GMPPA: variants seen among roughly 807,000 people sequenced by gnomAD.
The protein encoded by GMPPA is mannose-1-phosphate guanylyltransferase regulatory subunit alpha.
GMPPA carries 46 observed loss-of-function variants against 58.6 expected under a neutral mutation model. That is an observed-to-expected ratio of 0.78 (90% CI 0.62 to 1.00). The LOEUF is 1.00. Among genes scored for constraint, GMPPA ranks in the 50% least tolerant of loss-of-function variants. The probability of loss-of-function intolerance (pLI) is 0.00; values close to 1 mark genes in which losing one functional copy is unlikely to be tolerated. For missense variants in GMPPA, 468 were observed against 556.4 expected (o/e 0.84, Z 1.60); for synonymous variants, 211 against 214.9 (o/e 0.98, Z 0.16).
In GMPPA at chr2:219,502,576, C is replaced by A; in HGVS notation, c.489+135C>A. 1 of 680,344 alleles carries A rather than the reference C, an allele frequency of 1.5e-6. No homozygotes were observed. The allele number at this position is 680,344 out of a possible 1,614,324, so 42.1% of individuals were successfully genotyped here. A position where few individuals can be genotyped will look rare whatever the true frequency, so the allele number is the denominator to read the frequency against. On this transcript the variant is annotated intron_variant, in intron 6 of 12. Transcript: ENST00000313597. The surrounding 1 kb of genome is among the most constrained non-coding windows in gnomAD (Gnocchi z 4.0). ...GACAGGTGAGACACTCCCGATTAAT[C>A]ATCTTATATCCCTTTAAGAGAGATT...
chr2:219,506,055 C>T lies in GMPPA; in HGVS notation c.976C>T (p.His326Tyr). 6.3e-7 allele frequency: 1 copy of T among 1,587,864 alleles called. No individual in the cohort carries two copies. The highest frequency in any genetic ancestry group is 8.6e-7 in the Non-Finnish European group (1 of 1,162,506). Residue 326 changes from histidine (H) to tyrosine (Y), a missense_variant, in exon 11 of 13, where the codon CAT becomes TAT. Physicochemically the swap from His to Tyr is moderately conservative, Grantham distance 83. Coordinates refer to ENST00000313597, the MANE Select transcript of GMPPA (RefSeq NM_013335.4). The stretch of plus-strand genomic sequence containing the variant: ...GCGGCTCCGGGAGAGCATCGTCCTC[C>T]ATGGAGCCACTTTGCAGGTAGGTAC... ...GVRLRESIVL[H>Y]GATLQEHTCV...
chr2:219,500,440 C>T (rs1434303351), intron 3 of GMPPA: 2 of 578,820 alleles, frequency 3.5e-6, no homozygotes, highest in Non-Finnish European at 6.2e-6. Flanking sequence ...GATTTCACTC[C>T]TATTTTTAAA....
chr2:219,503,818 G>A (rs1694480857), intron 6 of GMPPA, among the ~76,000 whole-genome samples: 1 of 152,202 alleles, frequency 6.6e-6, no homozygotes, highest in African/African-American at 2.4e-5. Flanking sequence ...GCAGTCGGGT[G>A]GAAATGCGTC....
rs865817670 is a variant in GMPPA at position 219,504,173 on chromosome 2, C to T, written c.580C>T (p.Leu194Phe). The change falls in exon 7 of 13, where the codon CTT (leucine) becomes TTT (phenylalanine). Residue 194 changes from leucine to phenylalanine, a missense_variant. Leu to Phe is a conservative substitution (Grantham distance 22). Coordinates refer to ENST00000313597, the MANE Select transcript of GMPPA (RefSeq NM_013335.4). ...CTTTTCTCCTGAAGCCTTGAAGCCTCTTCGGGATGTCTTCCAGCGTAATCA... is the reference window on the plus strand; with the variant it reads ...CTTTTCTCCTGAAGCCTTGAAGCCTTTTCGGGATGTCTTCCAGCGTAATCA... ...YLFSPEALKPLRDVFQRNQQD... is the reference protein window; with the variant it reads ...YLFSPEALKPFRDVFQRNQQD... 3 of 1,614,122 alleles carry T rather than the reference C, an allele frequency of 1.9e-6. No homozygotes were observed. The highest frequency in any genetic ancestry group is 2.5e-6 in the Non-Finnish European group (3 of 1,179,976).
At position 219,505,516 on chromosome 2, in the gene GMPPA, C is replaced by A. The variant is rs1260603843; in HGVS notation, c.814C>A (p.Arg272=). ...CCGATACCAGGACACTCACCCAGAACGGCTGGCCAAGCACACCCCAGGGGG... is the reference window on the plus strand; with the variant it reads ...CCGATACCAGGACACTCACCCAGAAAGGCTGGCCAAGCACACCCCAGGGGG... ...LSRYQDTHPE[R]LAKHTPGGPW... Residue 272 remains arginine (R), a synonymous_variant, in exon 9 of 13, where the codon CGG becomes AGG. Coordinates refer to ENST00000313597, the MANE Select transcript of GMPPA (RefSeq NM_013335.4). 2 of 1,573,422 alleles carry A rather than the reference C, an allele frequency of 1.3e-6. No individual in the cohort carries two copies. The highest frequency in any genetic ancestry group is 1.7e-6 in the Non-Finnish European group (2 of 1,159,400).
Position 219,502,060 on chromosome 2 carries a change from A to C in GMPPA, c.429+23A>C. The stretch of plus-strand genomic sequence containing the variant: ...ACGGTGAGGGGGTCAGGAGGGCTGG[A>C]GGGTGTAGAGGAGGTGATCCCAAGA... On this transcript the variant is annotated intron_variant, in intron 5 of 12. Coordinates refer to ENST00000313597, the MANE Select transcript of GMPPA (RefSeq NM_013335.4). This position sits in a 1 kb window ranked among gnomAD's most constrained non-coding sequence, Gnocchi z 4.0. 1.2e-6 allele frequency: 2 copies of C among 1,610,518 alleles called. No homozygotes were observed. Among genetic ancestry groups the C allele is most frequent in the Non-Finnish European group, 1.7e-6 (2 of 1,177,456 alleles).
rs770255475 is a variant in GMPPA at position 219,502,255 on chromosome 2, C to T, written c.430-127C>T. The T allele has an allele frequency of 9.6e-6, 9 of 935,760 alleles. No individual in the cohort carries two copies. The highest frequency in any genetic ancestry group is 1.5e-5 in the Non-Finnish European group (9 of 589,788). The allele number at this position is 935,760 out of a possible 1,614,324, so 58.0% of individuals were successfully genotyped here. A position where few individuals can be genotyped will look rare whatever the true frequency, so the allele number is the denominator to read the frequency against. On this transcript the variant is annotated intron_variant, in intron 5 of 12. Transcript: ENST00000313597. This position sits in a 1 kb window ranked among gnomAD's most constrained non-coding sequence, Gnocchi z 4.0. ...GGGGGAGGGCAGCTGTCAGTTTCCA[C>T]CCTTGCTGAAGGCCTGTCAGTGGCA...
At chr2:219,505,146 C>A in intron 7 of GMPPA, 82 bp from the exon 8 acceptor site, 1 of 1,473,166 alleles carries the variant, frequency 6.8e-7, no homozygotes, top group South Asian at 1.2e-5. Context: ...AATCCTCCTA[C>A]TCCTGTCCCT....
In GMPPA at chr2:219,506,001, G is replaced by A. The variant is rs770069936; in HGVS notation, c.922G>A (p.Gly308Arg). 19 of 1,590,698 alleles carry A rather than the reference G, an allele frequency of 1.2e-5. No homozygotes were observed. Among genetic ancestry groups the A allele is most frequent in the African/African-American group, 6.7e-5 (5 of 74,468 alleles). ...SAVLGPNVSI[G>R]KGVTVGEGVR... ...ACAGCTGGGCCCCAACGTCTCCATCGGGAAGGGGGTGACCGTGGGTGAGGG... is the reference window on the plus strand; with the variant it reads ...ACAGCTGGGCCCCAACGTCTCCATCAGGAAGGGGGTGACCGTGGGTGAGGG... The change falls in exon 11 of 13, where the codon GGG becomes AGG. Residue 308 changes from glycine (G) to arginine (R), a missense_variant. Physicochemically the swap from Gly to Arg is moderately radical, Grantham distance 125. Transcript: ENST00000313597.
In GMPPA at chr2:219,501,341, C is replaced by A. The variant is rs1046684251; in HGVS notation, c.139-135C>A. On this transcript the variant is annotated intron_variant, in intron 3 of 12. Transcript: ENST00000313597. ...CTCATTGTCCAGAGGAGAAAATAGC[C>A]CAGAGTGGTGAGTGCCCTGGGGCCC... 2.8e-5 allele frequency: 19 copies of A among 669,134 alleles called. No homozygotes were observed. The Middle Eastern group carries it at 7.6e-4, about 27-fold the overall frequency. The allele number at this position is 669,134 out of a possible 1,614,324, so 41.4% of individuals were successfully genotyped here.
intron 12 of GMPPA, 79 bp from the exon 13 acceptor site, chr2:219,506,619 C>T (rs1694603032): frequency 9.9e-7 from 1 of 1,011,372 alleles, no homozygotes; most frequent in South Asian, 1.4e-5. Context: ...GGGCTCCCTC[C>T]CTGCTGGCAG....
At chr2:219,505,100 C>T (rs1694529420) in intron 7 of GMPPA, 128 bp from the exon 8 acceptor site, 1 of 1,123,744 alleles carries the variant, frequency 8.9e-7, no homozygotes, top group African/African-American at 1.5e-5. Flanking sequence ...GAGGGCCGAA[C>T]CAGACCTGGA....
Position 219,502,052 on chromosome 2 carries a change from A to G in GMPPA, c.429+15A>G. The G allele has an allele frequency of 6.2e-7, 1 of 1,613,214 alleles. No homozygotes were observed. The highest frequency in any genetic ancestry group is 8.5e-7 in the Non-Finnish European group (1 of 1,179,402). On this transcript the variant is annotated intron_variant, in intron 5 of 12. Coordinates refer to ENST00000313597, the MANE Select transcript of GMPPA (RefSeq NM_013335.4). This position sits in a 1 kb window ranked among gnomAD's most constrained non-coding sequence, Gnocchi z 4.0. ...TTGGCACTACGGTGAGGGGGTCAGGAGGGCTGGAGGGTGTAGAGGAGGTGA... is the reference window on the plus strand; with the variant it reads ...TTGGCACTACGGTGAGGGGGTCAGGGGGGCTGGAGGGTGTAGAGGAGGTGA...
chr2:219,505,200 T>C (rs1366235020), intron 7 of GMPPA, 28 bp from the exon 8 acceptor site: 1 of 1,610,070 alleles, frequency 6.2e-7, no homozygotes, highest in African/African-American at 1.3e-5. Context: ...GCTGGGGGAC[T>C]AATGTCAGCA....
chr2:219,506,830 C>G lies in GMPPA; in HGVS notation c.*32C>G, dbSNP rs775619497. On this transcript the variant is annotated 3_prime_UTR_variant, in exon 13 of 13. Transcript: ENST00000313597. ...CTGCCAGAAGGCCCCCAGCTCCTAC[C>G]CACTCCCCTTGAGGCTGCTGCCTGC... 3.9e-6 allele frequency: 4 copies of G among 1,018,382 alleles called. No individual in the cohort carries two copies. In the Admixed American group the frequency reaches 6.8e-5, roughly 17 times the overall value. 63.1% of individuals were successfully genotyped at this position (1,018,382 alleles called of 1,614,324 possible).
Position 219,502,403 on chromosome 2 carries a change from A to G in GMPPA, c.451A>G (p.Asn151Asp). 6.2e-7 allele frequency: 1 copy of G among 1,614,012 alleles called. No individual in the cohort carries two copies. Among genetic ancestry groups the G allele is most frequent in the Non-Finnish European group, 8.5e-7 (1 of 1,179,948 alleles). Residue 151 changes from asparagine (N) to aspartate (D), a missense_variant, in exon 6 of 13, where the codon AAC (asparagine) becomes GAC (aspartate). Physicochemically the swap from Asn to Asp is conservative, Grantham distance 23. Transcript: ENST00000313597. This position sits in a 1 kb window ranked among gnomAD's most constrained non-coding sequence, Gnocchi z 4.0. Reference protein sequence around the residue: ...GTTANRTQSLNYGCIVENPQT... With the variant: ...GTTANRTQSLDYGCIVENPQT... ...TCAGGCTAACAGGACGCAATCCCTC[A>G]ACTACGGCTGCATCGTTGAGAATCC...
chr2:219,505,668 A>G, intron 9 of GMPPA, 47 bp from the exon 10 acceptor site: 1 of 1,606,868 alleles, frequency 6.2e-7, no homozygotes, highest in South Asian at 1.1e-5. Context: ...TTCCTGATCA[A>G]ATTCGGTTTG....
intron 6 of GMPPA, among the ~76,000 whole-genome samples, chr2:219,503,223 C>T (rs1163755519): frequency 6.6e-6 from 1 of 151,806 alleles, no homozygotes; most frequent in African/African-American, 2.4e-5. Context: ...GCCTCTGCCT[C>T]CTGGGTTCAT....
chr2:219,506,569 G>C, intron 12 of GMPPA, 129 bp from the exon 13 acceptor site: 1 of 995,660 alleles, frequency 1.0e-6, no homozygotes, highest in Non-Finnish European at 1.5e-6. Context: ...CCCTGTGTGA[G>C]TCACCGGGGG....
Sources: gnomAD v4.1 joint callset for allele counts (sites outside exome capture counted in the v4.1 genomes callset) on GRCh38, gnomAD v4.1.1 for gene constraint, Gnocchi (gnomAD v3.1) non-coding constraint, MANE v1.5 for transcripts, NCBI Gene and HGNC (gene_info 2026-07-23, HGNC 2026-07-21) for gene names.